Variants in CSMD3 observed in about 807,000 individuals in gnomAD.
CSMD3 encodes the protein CUB and sushi domain-containing protein 3.
In CSMD3, 177 loss-of-function variants were observed where a neutral mutation model predicts 435.2. The observed-to-expected ratio is 0.41, with a 90% CI of 0.36 to 0.46. The LOEUF (loss-of-function observed/expected upper bound fraction) is 0.46, where lower values mean the gene tolerates loss of function less well. Ranked by LOEUF, CSMD3 falls within the 20% of genes least tolerant of loss-of-function variation. The pLI, the probability that CSMD3 is intolerant of heterozygous loss-of-function variation, is 0.34. For missense variants in CSMD3, 4,265 were observed against 4,504.6 expected (o/e 0.95, Z 1.52); for synonymous variants, 1,656 against 1,520.5 (o/e 1.09, Z -2.07).
intron 3 of CSMD3, among the ~76,000 whole-genome samples, chr8:113,247,853 A>T (rs76067347): frequency 2.0e-5 from 3 of 152,126 alleles, no homozygotes; most frequent in Non-Finnish European, 4.4e-5. Flanking sequence ...GCTTATATTA[A>T]TGATCACTGA....
intron 10 of CSMD3, among the ~76,000 whole-genome samples, chr8:112,916,418 T>G (rs1430534616): frequency 1.3e-5 from 2 of 151,848 alleles, no homozygotes; most frequent in Non-Finnish European, 2.9e-5. Context: ...AAGGCTTGTT[T>G]CCTAATCAAA....
intron 6 of CSMD3, among the ~76,000 whole-genome samples, chr8:113,007,025 C>T (rs2086083321): frequency 6.6e-6 from 1 of 151,914 alleles, no homozygotes; most frequent in African/African-American, 2.4e-5. Context: ...AGACCTGAAA[C>T]AGTGGCAAGT....
At position 112,650,417 on chromosome 8, in the gene CSMD3, T is replaced by A. The variant is rs2075095359; in HGVS notation, c.3005-68A>T. On this transcript the variant is annotated intron_variant, in intron 18 of 70. Coordinates refer to ENST00000297405, the MANE Select transcript of CSMD3 (RefSeq NM_198123.2). ...ATTTGGAGTTGCTGAAAATAATTCCTAGTTCTTCAAACAATTACAAGCAAT... is the reference window on the plus strand; with the variant it reads ...ATTTGGAGTTGCTGAAAATAATTCCAAGTTCTTCAAACAATTACAAGCAAT... The A allele has an allele frequency of 4.9e-6, 6 of 1,231,754 alleles. No homozygotes were observed. In the South Asian group the frequency reaches 6.0e-5, roughly 12 times the overall value. The allele number at this position is 1,231,754 out of a possible 1,614,324, so 76.3% of individuals were successfully genotyped here.
At chr8:113,236,791 T>A (rs913186122) in intron 3 of CSMD3, among the ~76,000 whole-genome samples, 1 of 152,134 alleles carries the variant, frequency 6.6e-6, no homozygotes, top group East Asian at 1.9e-4. Context: ...ATTCCTCTAA[T>A]AACCGCCTCT....
intron 6 of CSMD3, chr8:113,018,828 A>C (rs2086571956): frequency 1.9e-6 from 1 of 519,336 alleles, no homozygotes; most frequent in South Asian, 2.4e-5. Context: ...CATCTGCTAC[A>C]TACTACCTTT....
chr8:113,148,238 T>C (rs1172273250), intron 4 of CSMD3, among the ~76,000 whole-genome samples: 1 of 151,772 alleles, frequency 6.6e-6, no homozygotes, highest in African/African-American at 2.4e-5. Flanking sequence ...TTATTTTTCA[T>C]CACATCTTTA....
Position 112,281,359 on chromosome 8 carries a change from C to T in CSMD3, c.9332-9G>A, listed in dbSNP as rs776523235. On this transcript the variant is annotated splice_polypyrimidine_tract_variant and intron_variant, in intron 58 of 70. Coordinates refer to ENST00000297405, the MANE Select transcript of CSMD3 (RefSeq NM_198123.2). The stretch of plus-strand genomic sequence containing the variant: ...GTTACCACACTGCACAGCTATAAAA[C>T]AAAGTGTTTAAGAGTATATATAAAA... 1.9e-6 allele frequency: 3 copies of T among 1,609,956 alleles called. No homozygotes were observed. The highest frequency in any genetic ancestry group is 2.5e-6 in the Non-Finnish European group (3 of 1,176,600).
chr8:113,049,410 A>G (rs955434053), intron 5 of CSMD3, among the ~76,000 whole-genome samples: 3 of 152,118 alleles, frequency 2.0e-5, no homozygotes, highest in African/African-American at 7.2e-5. Context: ...AGGAAAAAAA[A>G]AAAAAAGTGC....
intron 3 of CSMD3, among the ~76,000 whole-genome samples, chr8:113,232,813 G>GA (rs894357960): frequency 2.0e-4 from 31 of 151,382 alleles, no homozygotes; most frequent in African/African-American, 6.0e-4. Context: ...CCTAAACGAA[G>GA]AAAAAAAGAG....
At chr8:113,113,176 T>C (rs1371696457) in intron 4 of CSMD3, among the ~76,000 whole-genome samples, 7 of 152,224 alleles carry the variant, frequency 4.6e-5, no homozygotes, top group Admixed American at 3.3e-4. Context: ...GCAAGTTTCC[T>C]AGACTAAGAA....
intron 10 of CSMD3, among the ~76,000 whole-genome samples, chr8:112,920,997 G>GCA (rs747366512): frequency 0.032 from 3,697 of 114,818 alleles, 54 homozygotes; most frequent in Admixed American, 0.058. Context: ...ACGCGCGCGC[G>GCA]CACACACACA....
chr8:112,555,503 T>C (rs1247932831), intron 25 of CSMD3, among the ~76,000 whole-genome samples: 3 of 151,994 alleles, frequency 2.0e-5, no homozygotes, highest in Non-Finnish European at 4.4e-5. Context: ...ATTGATCATA[T>C]TCCAGCTTTT....
chr8:113,299,514 A>T (rs979089827), intron 2 of CSMD3, among the ~76,000 whole-genome samples: 1 of 152,200 alleles, frequency 6.6e-6, no homozygotes, highest in African/African-American at 2.4e-5. Flanking sequence ...TATCAAAAGC[A>T]TATTGAGCCT....
intron 2 of CSMD3, among the ~76,000 whole-genome samples, chr8:113,280,452 G>C (rs893153047): frequency 6.6e-6 from 1 of 151,872 alleles, no homozygotes. Context: ...TATGTGCGTA[G>C]AGGTGTTCAC....
chr8:113,359,460 C>T (rs1053168530), intron 1 of CSMD3, among the ~76,000 whole-genome samples: 2 of 152,096 alleles, frequency 1.3e-5, no homozygotes, highest in Non-Finnish European at 2.9e-5. Context: ...GGAAACAGAG[C>T]GGGGGCAAAT....
chr8:112,877,130 CA>C (rs1206710672), intron 10 of CSMD3, among the ~76,000 whole-genome samples: 2 of 152,134 alleles, frequency 1.3e-5, no homozygotes, highest in African/African-American at 4.8e-5. Flanking sequence ...AATGGAAAAA[CA>C]TTCCATGCTC....
At chr8:112,922,094 T>C (rs10447986) in intron 9 of CSMD3, among the ~76,000 whole-genome samples, 39,986 of 151,990 alleles carry the variant, frequency 0.26, 5,522 homozygotes, top group East Asian at 0.41. Context: ...TTTACATGTG[T>C]ATGTTTGCAG....
intron 20 of CSMD3, among the ~76,000 whole-genome samples, chr8:112,643,079 T>C (rs1016370900): frequency 3.3e-5 from 5 of 151,802 alleles, no homozygotes; most frequent in African/African-American, 1.2e-4. Flanking sequence ...AATCATGATC[T>C]AGGGATAGAG....
chr8:112,678,516 G>GA (rs2075815635), intron 16 of CSMD3, among the ~76,000 whole-genome samples: 2 of 152,098 alleles, frequency 1.3e-5, no homozygotes, highest in South Asian at 4.1e-4. Flanking sequence ...TCAGAGCTGA[G>GA]AAAAATAAGT....
Sources: allele counts gnomAD v4.1 joint callset (sites outside exome capture counted in the v4.1 genomes callset), GRCh38; gene constraint gnomAD v4.1.1; transcripts MANE v1.5; gene names NCBI Gene and HGNC (gene_info 2026-07-23, HGNC 2026-07-21).